The following BICRA variants were observed in gnomAD, a reference collection of about 807,000 sequenced individuals.
The protein encoded by BICRA is BRD4-interacting chromatin-remodeling complex-associated protein.
BICRA carries 31 observed loss-of-function variants against 96.9 expected under a neutral mutation model. The observed-to-expected ratio is 0.32, with a 90% confidence interval of 0.24 to 0.43. The LOEUF is 0.43. Ranked by LOEUF, BICRA falls within the 20% of genes least tolerant of loss-of-function variation. BICRA has a pLI of 1.00. For missense variants in BICRA, 2,283 were observed against 2,190.3 expected (o/e 1.04, Z -0.84); for synonymous variants, 1,350 against 1,071.8 (o/e 1.26, Z -5.07).
At position 47,694,477 on chromosome 19, in the gene BICRA, C is replaced by CA; in HGVS notation, c.2646_2647insA (p.Ser883IlefsTer11). Reference sequence around the variant, plus strand: ...CCCCAGCCCCCCACCTCCCTCCATCCTCCACCTCCTCTGCTGTGGCCTCCT... The same window carrying CA: ...CCCCAGCCCCCCACCTCCCTCCATCCATCCACCTCCTCTGCTGTGGCCTCCT... On this transcript the variant is annotated frameshift_variant, in exon 8 of 15. Transcript: ENST00000594866. LOFTEE classifies it high-confidence loss of function. The CA allele has an allele frequency of 2.7e-6, 4 of 1,457,174 alleles. No individual in the cohort carries two copies. The highest frequency in any genetic ancestry group is 1.2e-5 in the South Asian group (1 of 86,448). The allele number at this position is 1,457,174 out of a possible 1,614,324, so 90.3% of individuals were successfully genotyped here.
At chr19:47,687,966 G>C (rs903014532) in intron 7 of BICRA, among the ~76,000 whole-genome samples, 2 of 152,098 alleles carry the variant, frequency 1.3e-5, no homozygotes, top group African/African-American at 2.4e-5. Context: ...TTTTGAAAAG[G>C]TTCATGCCAG....
intron 1 of BICRA, among the ~76,000 whole-genome samples, chr19:47,637,646 A>G (rs922105203): frequency 3.9e-5 from 6 of 151,988 alleles, no homozygotes; most frequent in Non-Finnish European, 8.8e-5. Context: ...GTTTGAGAAC[A>G]TTTTTTCTCA....
At position 47,702,370 on chromosome 19, in the gene BICRA, C is replaced by G; in HGVS notation, c.4638C>G (p.Pro1546=). ...TGCACAGGCCCGAGGCCTACCCACC[C>G]TCCAGTCACAACGGTGGCCTCGGCG... The part of the protein sequence containing the change: ...PPLHRPEAYP[P]SSHNGGLGAR... Residue 1546 remains proline (P), a synonymous_variant, in exon 15 of 15, where the codon CCC becomes CCG. Coordinates refer to ENST00000594866, the MANE Select transcript of BICRA (RefSeq NM_001394372.1). 2.0e-6 allele frequency: 3 copies of G among 1,526,122 alleles called. No individual in the cohort carries two copies. The highest frequency in any genetic ancestry group is 2.6e-6 in the Non-Finnish European group (3 of 1,147,980). The allele number at this position is 1,526,122 out of a possible 1,614,324, so 94.5% of individuals were successfully genotyped here.
At chr19:47,655,891 G>A (rs561133655) in intron 1 of BICRA, among the ~76,000 whole-genome samples, 11 of 150,760 alleles carry the variant, frequency 7.3e-5, no homozygotes, top group African/African-American at 2.2e-4. Context: ...AAATAAAAAC[G>A]TCCCCAGTTT....
intron 7 of BICRA, among the ~76,000 whole-genome samples, chr19:47,689,996 GTTTTGT>G (rs1043536223): frequency 1.2e-4 from 19 of 152,070 alleles, no homozygotes; most frequent in African/African-American, 1.7e-4. Context: ...TTGTTCACCT[GTTTTGT>G]TTTTGTTTTT....
rs1411967800 is a variant in BICRA, at chr19:47,679,767, G to A, written c.597G>A (p.Gln199=). 1.3e-6 allele frequency: 2 copies of A among 1,513,352 alleles called. No homozygotes were observed. The highest frequency in any genetic ancestry group is 1.8e-6 in the Non-Finnish European group (2 of 1,132,010). The allele number at this position is 1,513,352 out of a possible 1,614,324, so 93.7% of individuals were successfully genotyped here. The change falls in exon 6 of 15, where the codon CAG becomes CAA. Residue 199 remains glutamine, a synonymous_variant. Transcript: ENST00000594866. ...CCCTGAGTGTGCAGCCCTTCCTGCAGCCTGTGGGCCTGGGCAATGTGACAC... is the reference window on the plus strand; with the variant it reads ...CCCTGAGTGTGCAGCCCTTCCTGCAACCTGTGGGCCTGGGCAATGTGACAC... The part of the protein sequence containing the change: ...NKALSVQPFL[Q]PVGLGNVTLQ...
At chr19:47,676,120 G>A (rs1020030362) in intron 5 of BICRA, among the ~76,000 whole-genome samples, 2 of 152,134 alleles carry the variant, frequency 1.3e-5, no homozygotes, top group African/African-American at 2.4e-5. Context: ...GGGCCAACAT[G>A]GACAAGGCTG....
Position 47,680,195 on chromosome 19 carries a change from T to G in BICRA, c.1025T>G (p.Val342Gly). 2 of 1,548,286 alleles carry G rather than the reference T, an allele frequency of 1.3e-6. No individual in the cohort carries two copies. The highest frequency in any genetic ancestry group is 4.9e-5 in the East Asian group (2 of 40,736). Residue 342 changes from valine to glycine, a missense_variant, in exon 6 of 15, where the codon GTG becomes GGG. Transcript: ENST00000594866. Reference protein sequence around the residue: ...GSSPLVPAPNVILHRTPTPIQ... With the variant: ...GSSPLVPAPNGILHRTPTPIQ... ...TCGCCACTGGTCCCGGCGCCCAACG[T>G]GATCCTGCATCGCACACCCACGCCC...
chr19:47,644,144 A>G (rs1215971089), intron 1 of BICRA, among the ~76,000 whole-genome samples: 1 of 151,670 alleles, frequency 6.6e-6, no homozygotes, highest in Non-Finnish European at 1.5e-5. Flanking sequence ...TCAGTCTCCC[A>G]AGTGGCTAGG....
intron 5 of BICRA, among the ~76,000 whole-genome samples, chr19:47,677,834 G>A (rs998916322): frequency 6.6e-6 from 1 of 152,230 alleles, no homozygotes; most frequent in Non-Finnish European, 1.5e-5. Context: ...AGGGCCAGGT[G>A]TGTTTCAGAA....
At chr19:47,639,400 T>C (rs1189961857) in intron 1 of BICRA, among the ~76,000 whole-genome samples, 1 of 139,062 alleles carries the variant, frequency 7.2e-6, no homozygotes, top group African/African-American at 2.8e-5. Flanking sequence ...GATCTTGGCT[T>C]ACTGCAAGCT....
chr19:47,608,715 G>C (rs1325144250), upstream of BICRA, among the ~76,000 whole-genome samples: 1 of 151,604 alleles, frequency 6.6e-6, no homozygotes, highest in East Asian at 2.0e-4. Context: ...CCCAGTCCCC[G>C]GACGTCCGCA....
At chr19:47,644,289 T>C (rs1450971388) in intron 1 of BICRA, among the ~76,000 whole-genome samples, 1 of 151,880 alleles carries the variant, frequency 6.6e-6, no homozygotes, top group Admixed American at 6.6e-5. Flanking sequence ...GCTCCCACGG[T>C]GTTGGGATTA....
At chr19:47,677,471 C>T (rs895376773) in intron 5 of BICRA, among the ~76,000 whole-genome samples, 5 of 151,858 alleles carry the variant, frequency 3.3e-5, no homozygotes, top group Non-Finnish European at 5.9e-5. Context: ...CCGAGGTGGG[C>T]GGATCACCTG....
chr19:47,616,540 G>A (rs1971987209), intron 1 of BICRA, among the ~76,000 whole-genome samples: 1 of 152,012 alleles, frequency 6.6e-6, no homozygotes, highest in Admixed American at 6.6e-5. Flanking sequence ...TCAGGAGGCT[G>A]AGGCATGAGA....
At chr19:47,693,416 C>A (rs1973270745) in intron 7 of BICRA, among the ~76,000 whole-genome samples, 1 of 152,224 alleles carries the variant, frequency 6.6e-6, no homozygotes, top group Admixed American at 6.5e-5. Flanking sequence ...AGGCCTGCAG[C>A]CATGGACACA....
In BICRA at chr19:47,679,599, G is replaced by T. The variant is rs946664218; in HGVS notation, c.429G>T (p.Pro143=). 1.3e-6 allele frequency: 2 copies of T among 1,531,398 alleles called. No individual in the cohort carries two copies. Among genetic ancestry groups the T allele is most frequent in the Non-Finnish European group, 1.8e-6 (2 of 1,138,720 alleles). The allele number at this position is 1,531,398 out of a possible 1,614,324, so 94.9% of individuals were successfully genotyped here. A position where few individuals can be genotyped will look rare whatever the true frequency, so the allele number is the denominator to read the frequency against. Residue 143 remains proline, a synonymous_variant, in exon 6 of 15, where the codon CCG becomes CCT. Transcript: ENST00000594866. The stretch of plus-strand genomic sequence containing the variant: ...AGCCTGCGGATGGCGGGGCAGGCCC[G>T]ACGGGCGCTGGAGGGGCAGCGGCCG... ...TLQPADGGAG[P]TGAGGAAAVA... is the part of the protein sequence containing the mutation.
chr19:47,694,077 A>ACCCCC, intron 7 of BICRA, 38 bp from the exon 8 acceptor site: 4 of 1,410,510 alleles, frequency 2.8e-6, no homozygotes, highest in South Asian at 1.5e-5. Flanking sequence ...GTTGGTTCTG[A>ACCCCC]CCCCCGCCCC....
At position 47,679,824 on chromosome 19, in the gene BICRA, C is replaced by T; in HGVS notation, c.654C>T (p.Pro218=). The part of the protein sequence containing the change: ...LQPIPGLQGL[P]NGSPGGATAA... Reference sequence around the variant, plus strand: ...CCATCCCGGGCCTCCAAGGCCTGCCCAATGGCAGCCCTGGGGGTGCCACGG... The same window carrying T: ...CCATCCCGGGCCTCCAAGGCCTGCCTAATGGCAGCCCTGGGGGTGCCACGG... The change falls in exon 6 of 15, where the codon CCC becomes CCT. Residue 218 remains proline (P), a synonymous_variant. Coordinates refer to ENST00000594866, the MANE Select transcript of BICRA (RefSeq NM_001394372.1). The T allele has an allele frequency of 1.3e-6, 2 of 1,486,236 alleles. No homozygotes were observed. 92.1% of individuals were successfully genotyped at this position (1,486,236 alleles called of 1,614,324 possible). A position where few individuals can be genotyped will look rare whatever the true frequency, so the allele number is the denominator to read the frequency against.
Sources: gnomAD v4.1 joint callset for allele counts (sites outside exome capture counted in the v4.1 genomes callset) on GRCh38, gnomAD v4.1.1 for gene constraint, MANE v1.5 for transcripts, NCBI Gene and HGNC (gene_info 2026-07-23, HGNC 2026-07-21) for gene names.